The following NEDD9 variants were observed in gnomAD, a reference collection of about 807,000 sequenced individuals.
The protein encoded by NEDD9 is enhancer of filamentation 1.
In NEDD9, 26 loss-of-function variants were observed where a neutral mutation model predicts 76.6. The ratio of observed to expected loss-of-function variants is 0.34; its 90% CI spans 0.25 to 0.47. The LOEUF (loss-of-function observed/expected upper bound fraction) is 0.47. NEDD9 is among the 20% of genes least tolerant of loss of function. The pLI is 1.00. For synonymous variants in NEDD9, 392 were observed against 414.2 expected, an observed-to-expected ratio of 0.95 and a Z score of 0.65; for missense variants, 937 against 1,058.5, an observed-to-expected ratio of 0.89 and a Z score of 1.59.
intron 6 of NEDD9, among the ~76,000 whole-genome samples, chr6:11,187,985 C>T (rs1758019551): frequency 6.6e-6 from 1 of 152,206 alleles, no homozygotes; most frequent in South Asian, 2.1e-4. Context: ...GTTAGATATG[C>T]AGGTTTAGCC....
chr6:11,307,559 G>C (rs1252767377), intron 2 of NEDD9, among the ~76,000 whole-genome samples: 1 of 152,046 alleles, frequency 6.6e-6, no homozygotes, highest in Non-Finnish European at 1.5e-5. Flanking sequence ...ACTGCCCAAG[G>C]TGTCTGTGCT....
At chr6:11,338,139 C>A (rs1187526651) in intron 1 of NEDD9, among the ~76,000 whole-genome samples, 1 of 152,158 alleles carries the variant, frequency 6.6e-6, no homozygotes, top group Non-Finnish European at 1.5e-5. Flanking sequence ...ATTGGTTAAC[C>A]TGAAGTCACT....
chr6:11,232,137 C>T (rs558168554), intron 1 of NEDD9, among the ~76,000 whole-genome samples: 4 of 152,286 alleles, frequency 2.6e-5, no homozygotes, highest in African/African-American at 7.2e-5. Flanking sequence ...TTCCCCAGGG[C>T]AGTGGAAGCC....
chr6:11,185,116 T>G lies in NEDD9; in HGVS notation c.*46A>C. 2 of 1,543,614 alleles carry G rather than the reference T, an allele frequency of 1.3e-6. No homozygotes were observed. Among genetic ancestry groups the G allele is most frequent in the Non-Finnish European group, 8.7e-7 (1 of 1,143,326 alleles). Reference sequence around the variant, plus strand: ...CAAAAACCAGACAGTATTTCCAGTTTTCCTTAGTAACCGTTAACGCAGTCC... The same window carrying G: ...CAAAAACCAGACAGTATTTCCAGTTGTCCTTAGTAACCGTTAACGCAGTCC... On this transcript the variant is annotated 3_prime_UTR_variant, in exon 7 of 7. Transcript: ENST00000379446.
intron 3 of NEDD9, among the ~76,000 whole-genome samples, chr6:11,273,383 T>C (rs902515217): frequency 6.6e-6 from 1 of 152,256 alleles, no homozygotes; most frequent in Non-Finnish European, 1.5e-5. Flanking sequence ...AACAATTTGT[T>C]TGTAAATGAA....
At chr6:11,227,309 C>T (rs1342473420) in intron 1 of NEDD9, among the ~76,000 whole-genome samples, 1 of 152,182 alleles carries the variant, frequency 6.6e-6, no homozygotes, top group African/African-American at 2.4e-5. Context: ...TGAGCATCTA[C>T]CATACAAAGA....
intron 2 of NEDD9, among the ~76,000 whole-genome samples, chr6:11,315,970 C>A (rs1761543047): frequency 1.3e-5 from 2 of 152,138 alleles, no homozygotes. Flanking sequence ...GTTATAAGTC[C>A]TTTAAACCCT....
At chr6:11,218,465 C>T (rs560524634) in intron 1 of NEDD9, among the ~76,000 whole-genome samples, 12 of 152,002 alleles carry the variant, frequency 7.9e-5, no homozygotes, top group African/African-American at 2.9e-4. Context: ...TATTCAAAGG[C>T]TGTTTCCTTT....
chr6:11,373,209 A>G (rs962030425), intron 1 of NEDD9, among the ~76,000 whole-genome samples: 2 of 152,154 alleles, frequency 1.3e-5, no homozygotes, highest in Non-Finnish European at 2.9e-5. Context: ...TACCTTTGTC[A>G]CTTTATTTTT....
intron 1 of NEDD9, among the ~76,000 whole-genome samples, chr6:11,340,351 C>T (rs1322168357): frequency 1.3e-5 from 2 of 152,178 alleles, no homozygotes; most frequent in African/African-American, 4.8e-5. Flanking sequence ...AATCATCAGA[C>T]ATTCAGCCTC....
At chr6:11,354,746 ACAAT>A (rs1762533759) in intron 1 of NEDD9, among the ~76,000 whole-genome samples, 1 of 152,150 alleles carries the variant, frequency 6.6e-6, no homozygotes, top group African/African-American at 2.4e-5. Flanking sequence ...CACAGTCTGG[ACAAT>A]CAGAGTATTC....
intron 3 of NEDD9, chr6:11,251,199 C>T (rs571520099): frequency 1.3e-5 from 2 of 152,180 alleles, no homozygotes; most frequent in Non-Finnish European, 2.9e-5. Context: ...ATAGGGTCAA[C>T]CCCATACTAA....
At chr6:11,329,875 T>C (rs1761999276) in intron 2 of NEDD9, among the ~76,000 whole-genome samples, 1 of 152,160 alleles carries the variant, frequency 6.6e-6, no homozygotes, top group African/African-American at 2.4e-5. Context: ...CAGTCCAAGA[T>C]GGCAATAGTG....
chr6:11,184,003 G>C lies in NEDD9; in HGVS notation c.*1159C>G, dbSNP rs1487809772. 1 of 152,182 alleles carries C rather than the reference G, an allele frequency of 6.6e-6. No homozygotes were observed. Among genetic ancestry groups the C allele is most frequent in the Non-Finnish European group, 1.5e-5 (1 of 68,066 alleles). The allele number at this position is 152,182 out of a possible 1,614,324, so 9.4% of individuals were successfully genotyped here. A position where few individuals can be genotyped will look rare whatever the true frequency, so the allele number is the denominator to read the frequency against. The stretch of plus-strand genomic sequence containing the variant: ...GTGACTATCTGTGAGATAGTGGAAG[G>C]GGTTATACACACTGGCCACAGGAAG... On this transcript the variant is annotated 3_prime_UTR_variant, in exon 7 of 7. Transcript: ENST00000379446.
chr6:11,303,349 G>A (rs1406351488), intron 3 of NEDD9, among the ~76,000 whole-genome samples: 1 of 152,126 alleles, frequency 6.6e-6, no homozygotes, highest in African/African-American at 2.4e-5. Flanking sequence ...ACAAACCACT[G>A]CTCAATGAAA....
At chr6:11,349,485 G>A (rs1762423868) in intron 1 of NEDD9, among the ~76,000 whole-genome samples, 1 of 152,124 alleles carries the variant, frequency 6.6e-6, no homozygotes, top group African/African-American at 2.4e-5. Flanking sequence ...GTTTATTGTA[G>A]CACTATTCAC....
At chr6:11,207,564 A>T (rs1334010406) in intron 2 of NEDD9, 1 of 152,248 alleles carries the variant, frequency 6.6e-6, no homozygotes, top group Non-Finnish European at 1.5e-5. Flanking sequence ...AGATGATGTC[A>T]TAGGATCTTG....
At position 11,241,602 on chromosome 6, in the gene NEDD9, C is replaced by T. The variant is rs990256562; in HGVS notation, c.13-27875G>A. ...CCACACCAGCCATCCAGCATAGCTCCGGGGGCGGAGGTAGGGACAGTACAC... is the reference window on the plus strand; with the variant it reads ...CCACACCAGCCATCCAGCATAGCTCTGGGGGCGGAGGTAGGGACAGTACAC... On this transcript the variant is annotated intron_variant, in intron 3 of 3. Coordinates refer to the NEDD9 transcript ENST00000397378. The surrounding 1 kb of genome is among the most constrained non-coding windows in gnomAD (Gnocchi z 4.0). 3.3e-5 allele frequency among the ~76,000 whole-genome samples: 5 copies of T among 152,146 alleles called. No homozygotes were observed. The highest frequency in any genetic ancestry group is 9.7e-5 in the African/African-American group (4 of 41,420).
At chr6:11,373,788 A>G (rs1762922879) in intron 1 of NEDD9, among the ~76,000 whole-genome samples, 1 of 152,232 alleles carries the variant, frequency 6.6e-6, no homozygotes, top group African/African-American at 2.4e-5. Flanking sequence ...TATCTTCTTT[A>G]AAAGATTAAC....
Sources: gnomAD v4.1 joint callset for allele counts (sites outside exome capture counted in the v4.1 genomes callset) on GRCh38, gnomAD v4.1.1 for gene constraint, Gnocchi (gnomAD v3.1) non-coding constraint, MANE v1.5 for transcripts, NCBI Gene and HGNC (gene_info 2026-07-23, HGNC 2026-07-21) for gene names.